The following PARD3B variants were observed in gnomAD, a reference collection of about 807,000 sequenced individuals.
PARD3B encodes partitioning defective 3 homolog B.
A neutral mutation model predicts 130.2 loss-of-function variants in PARD3B; 103 were observed. The observed-to-expected ratio is 0.79, with a 90% CI of 0.67 to 0.93. PARD3B has a LOEUF of 0.93. Ranked by LOEUF, PARD3B falls within the 40% of genes least tolerant of loss-of-function variation. PARD3B has a pLI of 0.00. For missense variants in PARD3B, 1,609 were observed against 1,499.2 expected, an observed-to-expected ratio of 1.07 and a Z score of -1.21; for synonymous variants, 583 against 553.2, an observed-to-expected ratio of 1.05 and a Z score of -0.76.
intron 20 of PARD3B, among the ~76,000 whole-genome samples, chr2:205,486,798 T>C (rs778953892): frequency 3.2e-4 from 48 of 152,118 alleles, no homozygotes; most frequent in Non-Finnish European, 4.9e-4. Flanking sequence ...ACCTCCAGCA[T>C]TGGGGATTAC....
intron 2 of PARD3B, among the ~76,000 whole-genome samples, chr2:204,760,839 G>A (rs2040868518): frequency 6.6e-6 from 1 of 152,116 alleles, no homozygotes; most frequent in African/African-American, 2.4e-5. Flanking sequence ...AAGTGAAGTA[G>A]TACTTTCAAC....
intron 3 of PARD3B, 108 bp downstream of exon 3, chr2:204,965,431 C>T (rs1207752775): frequency 1.2e-5 from 14 of 1,174,322 alleles, no homozygotes; most frequent in East Asian, 5.3e-5. Flanking sequence ...TATTTTATAT[C>T]GTGGTTTATC....
Position 205,124,249 on chromosome 2 carries a change from G to A in PARD3B, c.1166-78G>A, listed in dbSNP as rs1230885759. ...CTGATTCTATATTAGTCTAAATTAG[G>A]TAGATCTTACTGTAAGACTGAATAT... On this transcript the variant is annotated intron_variant, in intron 8 of 22. Transcript: ENST00000406610. 3 of 1,149,682 alleles carry A rather than the reference G, an allele frequency of 2.6e-6. No individual in the cohort carries two copies. The South Asian group carries it at 8.3e-5, about 32-fold the overall frequency. The allele number at this position is 1,149,682 out of a possible 1,614,324, so 71.2% of individuals were successfully genotyped here. A position where few individuals can be genotyped will look rare whatever the true frequency, so the allele number is the denominator to read the frequency against.
chr2:205,297,008 C>T (rs2041822889), intron 16 of PARD3B, among the ~76,000 whole-genome samples: 1 of 151,912 alleles, frequency 6.6e-6, no homozygotes, highest in African/African-American at 2.4e-5. Context: ...TCTTTTAGCA[C>T]CCTTGATAAT....
chr2:205,620,081 C>T lies in PARD3B; in HGVS notation c.*4268C>T, dbSNP rs775028911. 7.9e-5 allele frequency: 12 copies of T among 151,994 alleles called. No homozygotes were observed. Among genetic ancestry groups the T allele is most frequent in the Non-Finnish European group, 1.6e-4 (11 of 67,982 alleles). The allele number at this position is 151,994 out of a possible 1,614,324, so 9.4% of individuals were successfully genotyped here. Reference sequence around the variant, plus strand: ...GATGATCCATTTGTACCACAGAAAACATTTTGGAAGTTGTTATATATGAGT... The same window carrying T: ...GATGATCCATTTGTACCACAGAAAATATTTTGGAAGTTGTTATATATGAGT... On this transcript the variant is annotated 3_prime_UTR_variant, in exon 23 of 23. Coordinates refer to ENST00000406610, the MANE Select transcript of PARD3B (RefSeq NM_001302769.2).
chr2:205,205,285 A>G (rs572089035), intron 15 of PARD3B, among the ~76,000 whole-genome samples: 1 of 152,264 alleles, frequency 6.6e-6, no homozygotes, highest in South Asian at 2.1e-4. Context: ...TGATTTTTGC[A>G]CATTGATTTT....
intron 2 of PARD3B, among the ~76,000 whole-genome samples, chr2:204,852,234 T>A (rs1468024908): frequency 1.3e-5 from 2 of 152,098 alleles, no homozygotes; most frequent in African/African-American, 4.8e-5. Flanking sequence ...TATTTTGCTT[T>A]TAAATTCCAG....
intron 18 of PARD3B, among the ~76,000 whole-genome samples, chr2:205,371,196 A>G (rs1361957832): frequency 6.6e-6 from 1 of 152,204 alleles, no homozygotes; most frequent in South Asian, 2.1e-4. Flanking sequence ...AGAGAAATGA[A>G]TATTCACTTT....
chr2:205,076,561 C>A (rs909009365), intron 4 of PARD3B, among the ~76,000 whole-genome samples: 1 of 152,118 alleles, frequency 6.6e-6, no homozygotes, highest in Non-Finnish European at 1.5e-5. Flanking sequence ...TGGTCCATGG[C>A]CTGTTAGGAG....
At chr2:204,853,802 G>C (rs976398400) in intron 2 of PARD3B, among the ~76,000 whole-genome samples, 1 of 152,162 alleles carries the variant, frequency 6.6e-6, no homozygotes, top group African/African-American at 2.4e-5. Context: ...ATTCTAGCAG[G>C]TGAAGCACAT....
intron 2 of PARD3B, among the ~76,000 whole-genome samples, chr2:204,851,980 G>A (rs1460013159): frequency 2.6e-5 from 4 of 152,056 alleles, no homozygotes; most frequent in East Asian, 1.9e-4. Flanking sequence ...GGCATGAGCC[G>A]CCACACCCAG....
At chr2:205,417,333 T>C (rs1036669894) in intron 19 of PARD3B, among the ~76,000 whole-genome samples, 14 of 152,160 alleles carry the variant, frequency 9.2e-5, no homozygotes, top group African/African-American at 3.4e-4. Flanking sequence ...ATATCATTGA[T>C]GGACATTTGG....
chr2:204,571,441 A>G (rs1170677469), intron 1 of PARD3B, among the ~76,000 whole-genome samples: 1 of 152,210 alleles, frequency 6.6e-6, no homozygotes, highest in African/African-American at 2.4e-5. Context: ...GGGGCCTATT[A>G]TGATGAAGTA....
chr2:205,143,935 C>T (rs1199077568), intron 10 of PARD3B, among the ~76,000 whole-genome samples: 1 of 152,004 alleles, frequency 6.6e-6, no homozygotes, highest in Non-Finnish European at 1.5e-5. Flanking sequence ...TATCATTAAC[C>T]CTTGATAGGT....
chr2:204,615,063 A>G (rs1481188398), intron 1 of PARD3B, among the ~76,000 whole-genome samples: 3 of 152,176 alleles, frequency 2.0e-5, no homozygotes, highest in Non-Finnish European at 4.4e-5. Flanking sequence ...GTTTGTCTTA[A>G]TGTAGAAGAT....
At position 205,183,016 on chromosome 2, in the gene PARD3B, A is replaced by G. The variant is rs906785268; in HGVS notation, c.1925-2748A>G. 6.6e-6 allele frequency among the ~76,000 whole-genome samples: 1 copy of G among 152,226 alleles called. No individual in the cohort carries two copies. The highest frequency in any genetic ancestry group is 6.5e-5 in the Admixed American group (1 of 15,290). On this transcript the variant is annotated intron_variant, in intron 13 of 22. Coordinates refer to ENST00000406610, the MANE Select transcript of PARD3B (RefSeq NM_001302769.2). This position sits in a 1 kb window ranked among gnomAD's most constrained non-coding sequence, Gnocchi z 5.2. ...GCCGTATGCCCAGGAAGAGAGGAAG[A>G]GCACGGATAGAGTGGGCACTGGTCT...
At chr2:204,901,697 G>T (rs1013635166) in intron 2 of PARD3B, among the ~76,000 whole-genome samples, 3 of 151,960 alleles carry the variant, frequency 2.0e-5, no homozygotes, top group Admixed American at 2.0e-4. Context: ...CTGGGAATGT[G>T]CTGGGTCACA....
chr2:205,128,479 G>A lies in PARD3B; in HGVS notation c.1434+2742G>A, dbSNP rs2031676136. Among the ~76,000 whole-genome samples the A allele has an allele frequency of 6.6e-6, 1 of 152,142 alleles. No homozygotes were observed. On this transcript the variant is annotated intron_variant, in intron 10 of 22. Coordinates refer to ENST00000406610, the MANE Select transcript of PARD3B (RefSeq NM_001302769.2). The surrounding 1 kb of genome is among the most constrained non-coding windows in gnomAD (Gnocchi z 4.5). The stretch of plus-strand genomic sequence containing the variant: ...GGAATAACATTTAACATTGTCTCTG[G>A]AGTTCACATCCCAGAATTCAACTTC...
rs182116696 is a variant in PARD3B at position 204,872,877 on chromosome 2, T to A, written c.223-92275T>A. Among the ~76,000 whole-genome samples the A allele has an allele frequency of 3.3e-5, 5 of 152,338 alleles. No homozygotes were observed. The East Asian group carries it at 9.6e-4, about 29-fold the overall frequency. Reference sequence around the variant, plus strand: ...TTGTGAATTGTATCCTTTTAAACTTTAATGTCCCTCTATATTCTGTCCTTA... The same window carrying A: ...TTGTGAATTGTATCCTTTTAAACTTAAATGTCCCTCTATATTCTGTCCTTA... On this transcript the variant is annotated intron_variant, in intron 2 of 22. Coordinates refer to ENST00000406610, the MANE Select transcript of PARD3B (RefSeq NM_001302769.2).
Sources: allele counts gnomAD v4.1 joint callset (sites outside exome capture counted in the v4.1 genomes callset), GRCh38; gene constraint gnomAD v4.1.1; non-coding constraint Gnocchi (gnomAD v3.1); transcripts MANE v1.5; gene names NCBI Gene and HGNC (gene_info 2026-07-23, HGNC 2026-07-21).